The following FBXL17 variants were observed in gnomAD, a reference collection of about 807,000 sequenced individuals.
The protein encoded by FBXL17 is F-box/LRR-repeat protein 17.
FBXL17 carries 22 observed loss-of-function variants against 66.2 expected under a neutral mutation model. That is an observed-to-expected ratio of 0.33 (90% CI 0.24 to 0.47). The LOEUF (loss-of-function observed/expected upper bound fraction) is 0.47, where lower values mean the gene tolerates loss of function less well. Ranked by LOEUF, FBXL17 falls within the 20% of genes least tolerant of loss-of-function variation. FBXL17 has a pLI of 1.00. For missense variants in FBXL17, 878 were observed against 948.2 expected, an observed-to-expected ratio of 0.93 and a Z score of 0.97; for synonymous variants, 474 against 400.5, an observed-to-expected ratio of 1.18 and a Z score of -2.19.
intron 6 of FBXL17, among the ~76,000 whole-genome samples, chr5:108,046,144 T>C (rs893136974): frequency 1.3e-5 from 2 of 152,224 alleles, no homozygotes; most frequent in Admixed American, 6.5e-5. Flanking sequence ...TGTTGTTTGC[T>C]GCATAAACAT....
Position 107,859,388 on chromosome 5 carries a change from C to CGGTT in FBXL17, c.*2331_*2332insAACC, listed in dbSNP as rs1748057441. 1.5e-5 allele frequency: 1 copy of CGGTT among 68,462 alleles called. No individual in the cohort carries two copies. Among genetic ancestry groups the CGGTT allele is most frequent in the Non-Finnish European group, 3.0e-5 (1 of 33,102 alleles). 4.2% of individuals were successfully genotyped at this position (68,462 alleles called of 1,614,324 possible). The stretch of plus-strand genomic sequence containing the variant: ...CACTCAAGGTGATGCTTTTTTCTGG[C>CGGTT]TGTTTTTTTTTTTTTTTTTTTTTTT... On this transcript the variant is annotated 3_prime_UTR_variant, in exon 9 of 9. Coordinates refer to ENST00000542267, the MANE Select transcript of FBXL17 (RefSeq NM_001163315.3).
intron 7 of FBXL17, among the ~76,000 whole-genome samples, chr5:107,932,642 C>G (rs543909328): frequency 1.3e-5 from 2 of 152,016 alleles, no homozygotes; most frequent in East Asian, 3.9e-4. Context: ...CTTTAGCATA[C>G]GGTGAAAAAA....
intron 7 of FBXL17, among the ~76,000 whole-genome samples, chr5:107,931,721 T>C (rs934282592): frequency 3.3e-5 from 5 of 152,194 alleles, no homozygotes; most frequent in African/African-American, 1.2e-4. Flanking sequence ...ACCTAAGGCA[T>C]AGAAATATAG....
At chr5:108,320,180 C>G (rs572671155) in intron 4 of FBXL17, among the ~76,000 whole-genome samples, 1 of 151,660 alleles carries the variant, frequency 6.6e-6, no homozygotes, top group Non-Finnish European at 1.5e-5. Context: ...TTTTCTTTTA[C>G]GCCCTTCTTT....
intron 7 of FBXL17, among the ~76,000 whole-genome samples, chr5:107,941,330 A>G (rs796427772): frequency 5.9e-5 from 9 of 152,332 alleles, no homozygotes; most frequent in African/African-American, 2.2e-4. Flanking sequence ...TTGGGCAACA[A>G]TAGTTAAAAG....
intron 6 of FBXL17, among the ~76,000 whole-genome samples, chr5:108,175,895 C>T (rs1255214466): frequency 6.6e-6 from 1 of 152,186 alleles, no homozygotes; most frequent in Non-Finnish European, 1.5e-5. Context: ...AGATATTTAT[C>T]ATCTCAAGTC....
chr5:108,311,972 T>C (rs1759142044), intron 4 of FBXL17, among the ~76,000 whole-genome samples: 1 of 152,084 alleles, frequency 6.6e-6, no homozygotes, highest in Non-Finnish European at 1.5e-5. Flanking sequence ...CCTGACCCCA[T>C]CTCCTGTAGC....
At chr5:107,906,192 T>C (rs1488771335) in intron 7 of FBXL17, among the ~76,000 whole-genome samples, 2 of 152,134 alleles carry the variant, frequency 1.3e-5, no homozygotes, top group Non-Finnish European at 2.9e-5. Flanking sequence ...AATACATATT[T>C]TTAAAAGGCA....
intron 6 of FBXL17, among the ~76,000 whole-genome samples, chr5:108,093,486 C>G (rs1749262149): frequency 6.6e-6 from 1 of 152,094 alleles, no homozygotes. Context: ...AAGAAGATTT[C>G]CTTTGAATTT....
intron 6 of FBXL17, among the ~76,000 whole-genome samples, chr5:108,096,733 G>A (rs1749383445): frequency 6.6e-6 from 1 of 152,156 alleles, no homozygotes; most frequent in Non-Finnish European, 1.5e-5. Flanking sequence ...GGAAGGAAAA[G>A]GATCAAGAAA....
At chr5:108,345,663 A>G (rs1233373262) in intron 4 of FBXL17, among the ~76,000 whole-genome samples, 1 of 151,640 alleles carries the variant, frequency 6.6e-6, no homozygotes, top group Non-Finnish European at 1.5e-5. Flanking sequence ...CCACAACATC[A>G]GCAGAAACCA....
intron 6 of FBXL17, among the ~76,000 whole-genome samples, chr5:108,062,126 T>C (rs757481306): frequency 9.2e-5 from 14 of 152,006 alleles, no homozygotes; most frequent in Non-Finnish European, 1.8e-4. Flanking sequence ...AAAAGGAACA[T>C]CAGTTGCGAA....
At chr5:108,025,704 AACACACACACACACGCGCGCGCGCAC>A (rs1373564118) in intron 6 of FBXL17, among the ~76,000 whole-genome samples, 3 of 123,454 alleles carry the variant, frequency 2.4e-5, no homozygotes, top group East Asian at 2.1e-4. Flanking sequence ...CACACACACA[AACACACACACACACGCGCGCGCGCAC>A]ACACACACAC....
intron 7 of FBXL17, among the ~76,000 whole-genome samples, chr5:107,986,495 C>A (rs976733884): frequency 6.6e-6 from 1 of 151,564 alleles, no homozygotes; most frequent in Admixed American, 6.6e-5. Context: ...TGTAAGATTG[C>A]AAGTATCTTA....
At chr5:108,263,722 T>C (rs1409718274) in intron 4 of FBXL17, among the ~76,000 whole-genome samples, 2 of 152,208 alleles carry the variant, frequency 1.3e-5, no homozygotes, top group Non-Finnish European at 2.9e-5. Context: ...TATTATTTAA[T>C]ACATAAAAAA....
chr5:108,360,736 T>A (rs893939357), intron 3 of FBXL17, among the ~76,000 whole-genome samples: 1 of 152,132 alleles, frequency 6.6e-6, no homozygotes, highest in Non-Finnish European at 1.5e-5. Flanking sequence ...TTCTGCTTGA[T>A]GGATGTCCCA....
At chr5:108,324,458 A>G (rs2150225184) in intron 4 of FBXL17, among the ~76,000 whole-genome samples, 1 of 152,242 alleles carries the variant, frequency 6.6e-6, no homozygotes, top group Admixed American at 6.5e-5. Flanking sequence ...AAGGATGTGG[A>G]GAAATTAGAA....
At chr5:108,211,838 G>T (rs1322723517) in intron 5 of FBXL17, among the ~76,000 whole-genome samples, 2 of 152,078 alleles carry the variant, frequency 1.3e-5, no homozygotes, top group African/African-American at 4.8e-5. Context: ...TATCTTTGTG[G>T]TGTTCTCTGT....
At chr5:108,090,706 C>A (rs1426450074) in intron 6 of FBXL17, among the ~76,000 whole-genome samples, 2 of 151,984 alleles carry the variant, frequency 1.3e-5, no homozygotes, top group African/African-American at 2.4e-5. Flanking sequence ...TTTATTTCAA[C>A]CTTTGAAAAT....
Sources: gnomAD v4.1 joint callset for allele counts (sites outside exome capture counted in the v4.1 genomes callset) on GRCh38, gnomAD v4.1.1 for gene constraint, MANE v1.5 for transcripts, NCBI Gene and HGNC (gene_info 2026-07-23, HGNC 2026-07-21) for gene names.